Variants in AGR3 observed in about 807,000 individuals in gnomAD.
AGR3 encodes anterior gradient protein 3.
AGR3 carries 37 observed loss-of-function variants against 24.5 expected under a neutral mutation model. That is an observed-to-expected ratio of 1.51 (90% CI 1.16 to 1.99). AGR3 has a LOEUF of 1.99. Ranked by LOEUF, AGR3 falls within the 30% of genes most tolerant of loss-of-function variation. The pLI is 0.00. For synonymous variants in AGR3, 75 were observed against 61.6 expected, an observed-to-expected ratio of 1.22 and a Z score of -1.02; for missense variants, 228 against 191.1, an observed-to-expected ratio of 1.19 and a Z score of -1.14.
At chr7:16,871,789 C>T (rs1035024957) in intron 3 of AGR3, among the ~76,000 whole-genome samples, 2 of 152,220 alleles carry the variant, frequency 1.3e-5, no homozygotes, top group South Asian at 4.2e-4. Flanking sequence ...TTGCAGCGAG[C>T]TGAGATCGCG....
At chr7:16,858,607 C>T (rs368122520), downstream of AGR3, among the ~76,000 whole-genome samples, 7 of 152,112 alleles carry the variant, frequency 4.6e-5, no homozygotes, top group Middle Eastern at 3.2e-3. Context: ...TGCAGTGGCT[C>T]GGGCCTGTAA....
At chr7:16,867,291 C>A (rs924263687) in intron 3 of AGR3, among the ~76,000 whole-genome samples, 1 of 152,092 alleles carries the variant, frequency 6.6e-6, no homozygotes, top group African/African-American at 2.4e-5. Flanking sequence ...CTCCCCTATT[C>A]CTGATTTAAA....
chr7:16,873,852 G>C lies in AGR3; in HGVS notation c.110-9C>G, dbSNP rs188737715. 6.6e-4 allele frequency: 1,064 copies of C among 1,609,160 alleles called. No individual in the cohort carries two copies. Among genetic ancestry groups the C allele is most frequent in the Non-Finnish European group, 8.3e-4 (978 of 1,176,248 alleles). On this transcript the variant is annotated splice_polypyrimidine_tract_variant and intron_variant, in intron 2 of 7. Coordinates refer to ENST00000310398, the MANE Select transcript of AGR3 (RefSeq NM_176813.5). ...GATGTCATCTCCCCATCCTGAAATA[G>C]AAGAGAGAAATCAATGCAGTAACCC...
intron 3 of AGR3, among the ~76,000 whole-genome samples, chr7:16,869,482 C>A (rs930939412): frequency 6.6e-6 from 1 of 152,074 alleles, no homozygotes; most frequent in Non-Finnish European, 1.5e-5. Context: ...AATCCCAGCA[C>A]TTTGGGAGGC....
intron 2 of AGR3, among the ~76,000 whole-genome samples, chr7:16,877,325 T>A (rs973021041): frequency 6.8e-6 from 1 of 147,730 alleles, no homozygotes; most frequent in African/African-American, 2.5e-5. Flanking sequence ...ATAATTTGTA[T>A]GTTATAATTA....
chr7:16,880,509 TC>T (rs1562553814), intron 1 of AGR3, among the ~76,000 whole-genome samples: 10 of 6,782 alleles, frequency 1.5e-3, no homozygotes, highest in East Asian at 3.1e-3. Context: ...TTTCCCCTCC[TC>T]TTTCCCCTCC....
chr7:16,880,548 T>A lies in AGR3; in HGVS notation c.-28+1396A>T, dbSNP rs1472126849. On this transcript the variant is annotated intron_variant, in intron 1 of 7. Coordinates refer to ENST00000310398, the MANE Select transcript of AGR3 (RefSeq NM_176813.5). Reference sequence around the variant, plus strand: ...TCCCCTCCCCTCCCCTCCCCTCCTCTCCCCTCCTTTCCCCTCCTTTCCCCT... The same window carrying A: ...TCCCCTCCCCTCCCCTCCCCTCCTCACCCCTCCTTTCCCCTCCTTTCCCCT... Among the ~76,000 whole-genome samples the A allele has an allele frequency of 5.6e-5, 4 of 70,908 alleles. No homozygotes were observed. In the East Asian group the frequency reaches 1.9e-3, roughly 34 times the overall value. The allele number at this position is 70,908 out of a possible 152,430, so 46.5% of individuals were successfully genotyped here. A position where few individuals can be genotyped will look rare whatever the true frequency, so the allele number is the denominator to read the frequency against.
At chr7:16,865,785 TG>T in intron 3 of AGR3, 1 of 750,134 alleles carries the variant, frequency 1.3e-6, no homozygotes, top group South Asian at 1.4e-5. Flanking sequence ...AACATTTCCT[TG>T]AAATCATCTT....
chr7:16,878,324 A>G (rs1439058518), intron 2 of AGR3, among the ~76,000 whole-genome samples, 186 bp downstream of exon 2: 1 of 152,184 alleles, frequency 6.6e-6, no homozygotes, highest in Non-Finnish European at 1.5e-5. Flanking sequence ...TTGCTAGTTG[A>G]TTTGATTCAC....
intron 3 of AGR3, chr7:16,865,343 T>G: frequency 8.7e-7 from 1 of 1,143,068 alleles, no homozygotes; most frequent in Non-Finnish European, 1.3e-6. Flanking sequence ...AGAGCACCTC[T>G]AGAGAAGTTT....
chr7:16,873,949 T>A, intron 2 of AGR3, 106 bp from the exon 3 acceptor site: 2 of 894,684 alleles, frequency 2.2e-6, no homozygotes, highest in Non-Finnish European at 3.6e-6. Context: ...AACTAAGCCA[T>A]CAAGCTGTTG....
downstream of AGR3, among the ~76,000 whole-genome samples, chr7:16,856,081 A>G (rs895364809): frequency 1.9e-4 from 29 of 152,108 alleles, no homozygotes; most frequent in African/African-American, 6.5e-4. Flanking sequence ...TTCTCTACTG[A>G]TTTCACATTA....
intron 3 of AGR3, among the ~76,000 whole-genome samples, chr7:16,863,725 AT>A (rs1292350454): frequency 2.6e-5 from 4 of 151,992 alleles, no homozygotes; most frequent in African/African-American, 9.6e-5. Flanking sequence ...CTGTTCTTTT[AT>A]ATTATATTCT....
intron 1 of AGR3, among the ~76,000 whole-genome samples, chr7:16,880,739 A>G (rs1217731874): frequency 2.0e-5 from 3 of 152,112 alleles, no homozygotes; most frequent in Non-Finnish European, 4.4e-5. Flanking sequence ...GGCCTTGGTC[A>G]TCTTGTACTT....
intron 3 of AGR3, chr7:16,873,482 A>T (rs1285128674): frequency 1.2e-5 from 3 of 249,118 alleles, no homozygotes; most frequent in East Asian, 8.3e-5. Context: ...TGATTAATAG[A>T]TGCAAAAATA....
chr7:16,880,424 G>T (rs1782088299), intron 1 of AGR3, among the ~76,000 whole-genome samples: 1 of 151,318 alleles, frequency 6.6e-6, no homozygotes, highest in Non-Finnish European at 1.5e-5. Context: ...GCCTCCCAAA[G>T]TGCTGGGATT....
At chr7:16,863,055 G>GC (rs1354826529) in intron 3 of AGR3, among the ~76,000 whole-genome samples, 1 of 152,180 alleles carries the variant, frequency 6.6e-6, no homozygotes, top group Non-Finnish European at 1.5e-5. Flanking sequence ...GGGTGACAGA[G>GC]CGAGACTCTG....
chr7:16,859,565 C>CT lies in AGR3; in HGVS notation c.*16dup, dbSNP rs1234207386. On this transcript the variant is annotated 3_prime_UTR_variant, in exon 8 of 8. Coordinates refer to ENST00000310398, the MANE Select transcript of AGR3 (RefSeq NM_176813.5). ...AAATTTGACTTCTTTGAAGTGAAGG[C>CT]TTTTTTCCATCATCTCTTATAGCTC... is the stretch of plus-strand genomic sequence containing the variant. The CT allele has an allele frequency of 5.2e-6, 8 of 1,535,050 alleles. No homozygotes were observed. The African/African-American group carries it at 8.2e-5, about 16-fold the overall frequency.
At chr7:16,880,015 A>C (rs1782071073) in intron 1 of AGR3, among the ~76,000 whole-genome samples, 2 of 142,184 alleles carry the variant, frequency 1.4e-5, no homozygotes, top group African/African-American at 2.8e-5. Context: ...ACCTTACTTT[A>C]TTTCCCTCCC....
Sources: allele counts gnomAD v4.1 joint callset (sites outside exome capture counted in the v4.1 genomes callset), GRCh38; gene constraint gnomAD v4.1.1; transcripts MANE v1.5; gene names NCBI Gene and HGNC (gene_info 2026-07-23, HGNC 2026-07-21).